Variants in SFMBT2 observed in about 807,000 individuals in gnomAD.
The protein encoded by SFMBT2 is scm-like with four MBT domains protein 2.
A neutral mutation model predicts 110.1 loss-of-function variants in SFMBT2; 38 were observed. The observed-to-expected ratio is 0.35, with a 90% CI of 0.27 to 0.45. The LOEUF is 0.45. Among genes scored for constraint, SFMBT2 ranks in the 20% least tolerant of loss-of-function variants. SFMBT2 has a pLI of 1.00. For synonymous variants in SFMBT2, 425 were observed against 425.4 expected (o/e 1.00, Z 0.01); for missense variants, 1,011 against 1,094.9 (o/e 0.92, Z 1.08).
At chr10:7,208,967 C>G (rs1360830818) in intron 11 of SFMBT2, among the ~76,000 whole-genome samples, 9 of 152,190 alleles carry the variant, frequency 5.9e-5, no homozygotes, top group African/African-American at 9.7e-5. Context: ...CCTTCTCCCA[C>G]CCCAAATATA....
intron 4 of SFMBT2, among the ~76,000 whole-genome samples, chr10:7,363,529 G>A (rs965777059): frequency 3.3e-5 from 5 of 152,040 alleles, no homozygotes; most frequent in African/African-American, 1.2e-4. Flanking sequence ...TGTATTTTTA[G>A]TAGAGACGGA....
At chr10:7,316,370 C>CA (rs1403686190) in intron 4 of SFMBT2, among the ~76,000 whole-genome samples, 8 of 152,090 alleles carry the variant, frequency 5.3e-5, no homozygotes, top group Non-Finnish European at 1.2e-4. Context: ...TATGAGCAGG[C>CA]AGGTGAGGGG....
At chr10:7,288,861 C>A (rs1030522550) in intron 4 of SFMBT2, among the ~76,000 whole-genome samples, 1 of 150,028 alleles carries the variant, frequency 6.7e-6, no homozygotes, top group African/African-American at 2.5e-5. Flanking sequence ...AAACCCCCCC[C>A]CCCATCTCCA....
intron 7 of SFMBT2, among the ~76,000 whole-genome samples, chr10:7,251,300 C>T (rs1840801906): frequency 6.6e-6 from 1 of 152,066 alleles, no homozygotes; most frequent in African/African-American, 2.4e-5. Flanking sequence ...AAGGTGAAAC[C>T]CTGTCTCTAC....
chr10:7,197,501 A>T, intron 15 of SFMBT2, 47 bp downstream of exon 15: 4 of 1,593,062 alleles, frequency 2.5e-6, no homozygotes, highest in Non-Finnish European at 3.4e-6. Flanking sequence ...ACAGCTTTTT[A>T]AAAAATCCTG....
At chr10:7,209,360 A>C (rs1839259724) in intron 11 of SFMBT2, among the ~76,000 whole-genome samples, 1 of 152,196 alleles carries the variant, frequency 6.6e-6, no homozygotes, top group Non-Finnish European at 1.5e-5. Flanking sequence ...GACAAACAAC[A>C]CAAGACCATG....
At chr10:7,178,954 C>T (rs1838158652) in intron 16 of SFMBT2, among the ~76,000 whole-genome samples, 1 of 152,148 alleles carries the variant, frequency 6.6e-6, no homozygotes, top group Admixed American at 6.5e-5. Flanking sequence ...CACCAAACTA[C>T]TGAAATATGA....
At chr10:7,202,662 CA>C (rs1838995868) in intron 12 of SFMBT2, 140 bp from the exon 13 acceptor site, 3 of 1,528,312 alleles carry the variant, frequency 2.0e-6, no homozygotes, top group South Asian at 2.5e-5. Context: ...ATTCATGCCA[CA>C]ATTTCCTATC....
rs571244892 is a variant in SFMBT2 at position 7,321,549 on chromosome 10, A to C, written c.437-35595T>G. Among the ~76,000 whole-genome samples the C allele has an allele frequency of 1.4e-4, 21 of 152,336 alleles. No homozygotes were observed. In the South Asian group the frequency reaches 3.9e-3, roughly 29 times the overall value. On this transcript the variant is annotated intron_variant, in intron 4 of 20. Coordinates refer to ENST00000397167, the MANE Select transcript of SFMBT2 (RefSeq NM_001387889.1). ...TCAGGGTAAAATAACGTCAGGGATA[A>C]AATATCCCATCTTAAGGTGCACAAT...
intron 4 of SFMBT2, among the ~76,000 whole-genome samples, chr10:7,322,690 G>A (rs569306802): frequency 2.0e-5 from 3 of 152,132 alleles, no homozygotes; most frequent in African/African-American, 7.2e-5. Flanking sequence ...ATGGAAGAGG[G>A]GACAGTGGGG....
intron 4 of SFMBT2, among the ~76,000 whole-genome samples, chr10:7,309,648 A>T (rs977590991): frequency 3.7e-5 from 5 of 136,984 alleles, no homozygotes; most frequent in Non-Finnish European, 8.1e-5. Flanking sequence ...CGCAGCAGCT[A>T]CTGAGGCACC....
At chr10:7,345,404 G>A (rs1387532408) in intron 4 of SFMBT2, among the ~76,000 whole-genome samples, 1 of 152,036 alleles carries the variant, frequency 6.6e-6, no homozygotes, top group African/African-American at 2.4e-5. Flanking sequence ...TGTCACCCAG[G>A]CTAGAGTGCA....
At chr10:7,311,815 G>T (rs1304652416) in intron 4 of SFMBT2, among the ~76,000 whole-genome samples, 1 of 152,172 alleles carries the variant, frequency 6.6e-6, no homozygotes, top group Admixed American at 6.5e-5. Flanking sequence ...GTTTATTGAA[G>T]TGCCGGAGTT....
chr10:7,397,667 C>T (rs60299491), intron 1 of SFMBT2, among the ~76,000 whole-genome samples: 1,873 of 152,292 alleles, frequency 0.012, 32 homozygotes, highest in African/African-American at 0.043. Flanking sequence ...CTGAAAATCA[C>T]TGTTTCCATG....
chr10:7,239,028 T>C (rs1173294487), intron 9 of SFMBT2, among the ~76,000 whole-genome samples: 1 of 152,234 alleles, frequency 6.6e-6, no homozygotes, highest in Non-Finnish European at 1.5e-5. Context: ...GAAAAACTCG[T>C]ATCCACTCTA....
chr10:7,349,132 C>G (rs1844216985), intron 4 of SFMBT2, among the ~76,000 whole-genome samples: 1 of 152,214 alleles, frequency 6.6e-6, no homozygotes, highest in South Asian at 2.1e-4. Context: ...CTTGAAATCA[C>G]AAGAATCACA....
intron 11 of SFMBT2, among the ~76,000 whole-genome samples, chr10:7,212,331 C>G (rs1839377496): frequency 6.6e-6 from 1 of 152,124 alleles, no homozygotes; most frequent in South Asian, 2.1e-4. Context: ...TAGGAATACA[C>G]ATTTTATTTC....
intron 4 of SFMBT2, among the ~76,000 whole-genome samples, chr10:7,352,246 C>T (rs751208205): frequency 1.4e-4 from 21 of 152,188 alleles, no homozygotes; most frequent in South Asian, 6.2e-4. Context: ...CCAGAAGGGA[C>T]GCTCCAGGTG....
chr10:7,173,259 G>A (rs1432594988), intron 17 of SFMBT2, among the ~76,000 whole-genome samples: 2 of 152,190 alleles, frequency 1.3e-5, no homozygotes, highest in Non-Finnish European at 2.9e-5. Context: ...TCCCTGTCTG[G>A]ACCCCAGACA....
Sources: allele counts gnomAD v4.1 joint callset (sites outside exome capture counted in the v4.1 genomes callset), GRCh38; gene constraint gnomAD v4.1.1; transcripts MANE v1.5; gene names NCBI Gene and HGNC (gene_info 2026-07-23, HGNC 2026-07-21).